The following CPNE8 variants were observed in gnomAD, a reference collection of about 807,000 sequenced individuals.
CPNE8 encodes copine-8.
Under a neutral mutation model 81.5 loss-of-function variants are expected in CPNE8, and 45 were observed. The ratio of observed to expected loss-of-function variants is 0.55; its 90% CI spans 0.44 to 0.71. The LOEUF is 0.71. CPNE8 is among the 30% of genes least tolerant of loss of function. The probability of loss-of-function intolerance (pLI) is 0.00; values close to 1 mark genes in which losing one functional copy is unlikely to be tolerated. For synonymous variants in CPNE8, 252 were observed against 226.3 expected, an observed-to-expected ratio of 1.11 and a Z score of -1.02; for missense variants, 594 against 672.1, an observed-to-expected ratio of 0.88 and a Z score of 1.28.
intron 18 of CPNE8, among the ~76,000 whole-genome samples, chr12:38,671,846 TATACATA>T (rs1029216788): frequency 2.0e-5 from 3 of 152,122 alleles, no homozygotes; most frequent in Non-Finnish European, 4.4e-5. Flanking sequence ...ACGCTGCTAG[TATACATA>T]ATTAACAGAG....
intron 6 of CPNE8, among the ~76,000 whole-genome samples, chr12:38,780,653 C>T (rs1329955720): frequency 1.3e-5 from 2 of 152,116 alleles, no homozygotes; most frequent in Non-Finnish European, 2.9e-5. Flanking sequence ...AAACTAAGAG[C>T]TGACTACTTG....
intron 10 of CPNE8, among the ~76,000 whole-genome samples, chr12:38,734,673 G>A (rs188820953): frequency 4.6e-5 from 7 of 151,996 alleles, no homozygotes; most frequent in Non-Finnish European, 4.4e-5. Context: ...TGGAGGTAAT[G>A]CCTACTTTCT....
chr12:38,741,547 CTT>C (rs1464780588), intron 10 of CPNE8, among the ~76,000 whole-genome samples: 2 of 152,184 alleles, frequency 1.3e-5, no homozygotes, highest in Non-Finnish European at 1.5e-5. Flanking sequence ...GGATTAAAGA[CTT>C]ATATGTTAGA....
intron 13 of CPNE8, among the ~76,000 whole-genome samples, chr12:38,710,878 G>A (rs1187497902): frequency 1.3e-5 from 2 of 152,092 alleles, no homozygotes; most frequent in Admixed American, 6.5e-5. Flanking sequence ...AGCAATGTCC[G>A]TGATAAATTC....
At chr12:38,665,466 A>G (rs1349258511) in intron 19 of CPNE8, among the ~76,000 whole-genome samples, 4 of 151,784 alleles carry the variant, frequency 2.6e-5, no homozygotes, top group African/African-American at 9.7e-5. Flanking sequence ...AATGTTCCAC[A>G]TGACTGCTCT....
intron 13 of CPNE8, among the ~76,000 whole-genome samples, chr12:38,707,476 A>C (rs2136701588): frequency 6.6e-6 from 1 of 152,108 alleles, no homozygotes; most frequent in East Asian, 1.9e-4. Flanking sequence ...AAGGAAGGTA[A>C]GAAGGAAGGA....
chr12:38,775,990 A>G (rs1941925488), intron 7 of CPNE8, among the ~76,000 whole-genome samples: 1 of 152,168 alleles, frequency 6.6e-6, no homozygotes, highest in Non-Finnish European at 1.5e-5. Flanking sequence ...AGCAGTATTG[A>G]TATTAGGTGT....
At chr12:38,832,010 A>G (rs1943296058) in intron 5 of CPNE8, among the ~76,000 whole-genome samples, 1 of 152,216 alleles carries the variant, frequency 6.6e-6, no homozygotes, top group Non-Finnish European at 1.5e-5. Context: ...GAGACACACT[A>G]ACAAATACAA....
intron 1 of CPNE8, among the ~76,000 whole-genome samples, chr12:38,880,949 G>A (rs1944145262): frequency 6.6e-6 from 1 of 152,156 alleles, no homozygotes; most frequent in Admixed American, 6.5e-5. Flanking sequence ...GGTGGCTCAT[G>A]CCTGTAATCC....
At chr12:38,906,392 G>GGA, upstream of CPNE8, 1 of 985,520 alleles carries the variant, frequency 1.0e-6, no homozygotes, top group Non-Finnish European at 1.2e-6. Context: ...GAAGCAATCT[G>GGA]GATTCTGTCT....
chr12:38,788,014 T>G (rs1331533200), intron 6 of CPNE8, among the ~76,000 whole-genome samples: 1 of 145,200 alleles, frequency 6.9e-6, no homozygotes, highest in Non-Finnish European at 1.5e-5. Context: ...ATGGCTTCAC[T>G]GATAAATTCC....
At chr12:38,704,808 CTG>C (rs1940049315) in intron 13 of CPNE8, among the ~76,000 whole-genome samples, 1 of 83,422 alleles carries the variant, frequency 1.2e-5, no homozygotes, top group African/African-American at 4.6e-5. Flanking sequence ...TGAGGACCAT[CTG>C]TGTGTGTATG....
intron 6 of CPNE8, among the ~76,000 whole-genome samples, chr12:38,795,085 T>G (rs945654056): frequency 1.1e-4 from 17 of 152,224 alleles, no homozygotes; most frequent in African/African-American, 4.1e-4. Flanking sequence ...CAATGGCTCT[T>G]GGGCCTTCAG....
chr12:38,718,515 T>C (rs1346869995), intron 13 of CPNE8, among the ~76,000 whole-genome samples: 1 of 152,124 alleles, frequency 6.6e-6, no homozygotes, highest in African/African-American at 2.4e-5. Context: ...CTTATATCTA[T>C]TAAATTAGTG....
At position 38,666,948 on chromosome 12, in the gene CPNE8, A is replaced by C. The variant is rs144979313; in HGVS notation, c.1506+3781T>G. Among the ~76,000 whole-genome samples, 158 of 152,326 alleles carry C rather than the reference A, an allele frequency of 1.0e-3. 1 individual carries two copies. The highest frequency in any genetic ancestry group is 3.5e-3 in the African/African-American group (146 of 41,586). On this transcript the variant is annotated intron_variant, in intron 19 of 19. Transcript: ENST00000331366. ...AGTTAATTAAGGACTGAGTGATTTA[A>C]TTCTATAGCTCTTAGCCTGCCTAGC...
At chr12:38,894,337 C>G (rs544874678) in intron 1 of CPNE8, among the ~76,000 whole-genome samples, 9 of 152,016 alleles carry the variant, frequency 5.9e-5, no homozygotes, top group Non-Finnish European at 1.2e-4. Flanking sequence ...AAACTTTTCC[C>G]AAAAAAATTT....
intron 6 of CPNE8, among the ~76,000 whole-genome samples, chr12:38,791,695 G>A (rs1219180041): frequency 6.6e-6 from 1 of 151,276 alleles, no homozygotes; most frequent in Admixed American, 6.6e-5. Context: ...CAGACAAAAG[G>A]TCAACAAGGA....
At chr12:38,776,481 TG>T (rs1181608986) in intron 6 of CPNE8, among the ~76,000 whole-genome samples, 180 bp from the exon 7 acceptor site, 1 of 151,808 alleles carries the variant, frequency 6.6e-6, no homozygotes, top group Non-Finnish European at 1.5e-5. Context: ...AAATTTTGTA[TG>T]TTTTTTTAGC....
chr12:38,837,480 ATG>A, intron 5 of CPNE8, among the ~76,000 whole-genome samples: 1 of 152,260 alleles, frequency 6.6e-6, no homozygotes, highest in South Asian at 2.1e-4. Context: ...GTCATCAGGT[ATG>A]GTAGGGACAT....
Sources: allele counts gnomAD v4.1 joint callset (sites outside exome capture counted in the v4.1 genomes callset), GRCh38; gene constraint gnomAD v4.1.1; transcripts MANE v1.5; gene names NCBI Gene and HGNC (gene_info 2026-07-23, HGNC 2026-07-21).